The following RNASEH2B variants were observed in gnomAD, a reference collection of about 807,000 sequenced individuals.
RNASEH2B encodes the protein ribonuclease H2 subunit B.
RNASEH2B carries 36 observed loss-of-function variants against 45.0 expected under a neutral mutation model. The ratio of observed to expected loss-of-function variants is 0.80; its 90% CI spans 0.61 to 1.06. The LOEUF (loss-of-function observed/expected upper bound fraction) is 1.06. Among genes scored for constraint, RNASEH2B ranks in the 50% least tolerant of loss-of-function variants. RNASEH2B has a pLI of 0.00. For synonymous variants in RNASEH2B, 119 were observed against 125.7 expected (o/e 0.95, Z 0.35); for missense variants, 361 against 360.3 (o/e 1.00, Z -0.02).
At chr13:50,946,133 G>A (rs1951898197) in intron 7 of RNASEH2B, among the ~76,000 whole-genome samples, 1 of 151,984 alleles carries the variant, frequency 6.6e-6, no homozygotes, top group Non-Finnish European at 1.5e-5. Context: ...TTTTCTTTTA[G>A]GTTATTCTTT....
chr13:50,947,959 C>A, intron 7 of RNASEH2B, 28 bp from the exon 8 acceptor site: 1 of 1,583,614 alleles, frequency 6.3e-7, no homozygotes. Flanking sequence ...TTTTTTTTTG[C>A]TTTCACTCCT....
At chr13:50,911,861 T>G (rs1181101943) in intron 1 of RNASEH2B, 1 of 152,250 alleles carries the variant, frequency 6.6e-6, no homozygotes, top group African/African-American at 2.4e-5. Flanking sequence ...CAATAGCTGA[T>G]GATAATTTGA....
At chr13:50,919,740 G>A (rs1951492628) in intron 1 of RNASEH2B, among the ~76,000 whole-genome samples, 1 of 152,180 alleles carries the variant, frequency 6.6e-6, no homozygotes, top group African/African-American at 2.4e-5. Flanking sequence ...AGTTGACTGA[G>A]TTTAAATCCT....
intron 1 of RNASEH2B, chr13:50,911,509 AC>A (rs1879393461): frequency 6.6e-6 from 1 of 152,154 alleles, no homozygotes; most frequent in Non-Finnish European, 1.5e-5. Context: ...TAGGGTGTAT[AC>A]CCTGGAGTGG....
intron 3 of RNASEH2B, among the ~76,000 whole-genome samples, chr13:50,929,920 C>A (rs1431074135): frequency 6.6e-6 from 1 of 152,162 alleles, no homozygotes; most frequent in Non-Finnish European, 1.5e-5. Flanking sequence ...GTGTTTTTAA[C>A]ATGTTATTTC....
At chr13:50,937,915 A>G (rs1406867426) in intron 5 of RNASEH2B, 1 of 152,236 alleles carries the variant, frequency 6.6e-6, no homozygotes, top group Non-Finnish European at 1.5e-5. Flanking sequence ...TACCACTTCT[A>G]TTCACCATGT....
chr13:50,929,176 G>T (rs1010455316), intron 2 of RNASEH2B, among the ~76,000 whole-genome samples: 2 of 152,078 alleles, frequency 1.3e-5, no homozygotes, highest in Non-Finnish European at 2.9e-5. Context: ...TTTAGGAATG[G>T]ATATTCCCTC....
chr13:50,951,161 T>A (rs372279045), intron 9 of RNASEH2B: 1 of 152,240 alleles, frequency 6.6e-6, no homozygotes, highest in Non-Finnish European at 1.5e-5. Context: ...GTCTTCTATA[T>A]TATTTGAGTT....
At chr13:50,943,015 A>G (rs982068970) in intron 5 of RNASEH2B, 11 of 300,644 alleles carry the variant, frequency 3.7e-5, no homozygotes, top group African/African-American at 1.8e-4. Flanking sequence ...GTCCCTATCA[A>G]CAAGATTATT....
downstream of RNASEH2B, among the ~76,000 whole-genome samples, chr13:50,958,693 C>T (rs1440672811): frequency 6.6e-6 from 1 of 151,992 alleles, no homozygotes; most frequent in African/African-American, 2.4e-5. Context: ...ACTAACTGTT[C>T]TTCATAAATA....
intron 9 of RNASEH2B, among the ~76,000 whole-genome samples, chr13:50,965,503 A>G (rs1952156648): frequency 6.6e-6 from 1 of 152,224 alleles, no homozygotes; most frequent in Non-Finnish European, 1.5e-5. Flanking sequence ...GCATGAGAGA[A>G]TTAACCAACC....
rs1225663996 is a variant in RNASEH2B at position 50,927,539 on chromosome 13, T to C, written c.136+61T>C. 16 of 1,027,542 alleles carry C rather than the reference T, an allele frequency of 1.6e-5. No individual in the cohort carries two copies. In the East Asian group the frequency reaches 3.8e-4, roughly 24 times the overall value. The allele number at this position is 1,027,542 out of a possible 1,614,324, so 63.7% of individuals were successfully genotyped here. Reference sequence around the variant, plus strand: ...TGTTGTGGCTAATGAGTATATACACTTTTATGTCTTTGTGTCCTTGCTCTT... The same window carrying C: ...TGTTGTGGCTAATGAGTATATACACCTTTATGTCTTTGTGTCCTTGCTCTT... On this transcript the variant is annotated intron_variant, in intron 2 of 10. Coordinates refer to ENST00000336617, the MANE Select transcript of RNASEH2B (RefSeq NM_024570.4).
rs966576861 is a variant in RNASEH2B, at chr13:50,910,005, C to T, written c.-72C>T. 1 of 1,341,048 alleles carries T rather than the reference C, an allele frequency of 7.5e-7. No individual in the cohort carries two copies. Among genetic ancestry groups the T allele is most frequent in the Non-Finnish European group, 1.0e-6 (1 of 1,001,938 alleles). The allele number at this position is 1,341,048 out of a possible 1,614,324, so 83.1% of individuals were successfully genotyped here. A position where few individuals can be genotyped will look rare whatever the true frequency, so the allele number is the denominator to read the frequency against. On this transcript the variant is annotated 5_prime_UTR_variant, in exon 1 of 11. Transcript: ENST00000336617. ...CCACCCGGAACAGACCCTTCTCCCG[C>T]CATTTTCGGCGGGGCTGGGAGACTG...
chr13:50,958,423 GTTCTCTA>G (rs1952077770), downstream of RNASEH2B, among the ~76,000 whole-genome samples: 1 of 151,974 alleles, frequency 6.6e-6, no homozygotes, highest in East Asian at 1.9e-4. Context: ...TTATTTCTGG[GTTCTCTA>G]TTCTCTTTCT....
chr13:50,913,894 A>G (rs1879578223), intron 1 of RNASEH2B, among the ~76,000 whole-genome samples: 1 of 152,210 alleles, frequency 6.6e-6, no homozygotes, highest in South Asian at 2.1e-4. Flanking sequence ...GAATGCAAAA[A>G]TAGATGTGGA....
chr13:50,909,860 G>T lies in RNASEH2B; in HGVS notation c.-217G>T. Reference sequence around the variant, plus strand: ...CTGCGGCCACCGGCCGGCATTCAGAGCCCCTCGCCTGGCGCTAAATTTAAA... The same window carrying T: ...CTGCGGCCACCGGCCGGCATTCAGATCCCCTCGCCTGGCGCTAAATTTAAA... On this transcript the variant is annotated 5_prime_UTR_variant, in exon 1 of 11. Transcript: ENST00000336617. The T allele has an allele frequency of 2.3e-6, 1 of 429,730 alleles. No homozygotes were observed. Among genetic ancestry groups the T allele is most frequent in the South Asian group, 4.3e-5 (1 of 23,030 alleles). The allele number at this position is 429,730 out of a possible 1,614,324, so 26.6% of individuals were successfully genotyped here. A position where few individuals can be genotyped will look rare whatever the true frequency, so the allele number is the denominator to read the frequency against.
At chr13:50,913,853 A>C (rs571921925) in intron 1 of RNASEH2B, among the ~76,000 whole-genome samples, 32 of 152,344 alleles carry the variant, frequency 2.1e-4, no homozygotes, top group African/African-American at 7.2e-4. Flanking sequence ...GATAATCACA[A>C]ATGATTATAC....
At chr13:50,929,652 G>T in intron 3 of RNASEH2B, 70 bp downstream of exon 3, 2 of 1,003,350 alleles carry the variant, frequency 2.0e-6, no homozygotes, top group South Asian at 1.3e-5. Context: ...TCACACGTGG[G>T]GTTGTGGGTC....
intron 1 of RNASEH2B, among the ~76,000 whole-genome samples, chr13:50,914,769 GACTCC>G (rs1879639004): frequency 6.6e-6 from 1 of 152,128 alleles, no homozygotes; most frequent in Non-Finnish European, 1.5e-5. Context: ...AAGAACTCAT[GACTCC>G]CACATATTTA....
Sources: allele counts gnomAD v4.1 joint callset (sites outside exome capture counted in the v4.1 genomes callset), GRCh38; gene constraint gnomAD v4.1.1; transcripts MANE v1.5; gene names NCBI Gene and HGNC (gene_info 2026-07-23, HGNC 2026-07-21).